SIN3B: variants seen among roughly 807,000 people sequenced by gnomAD.
The protein encoded by SIN3B is SIN3 transcription regulator family member B, also known as paired amphipathic helix protein Sin3b.
Under a neutral mutation model 120.2 loss-of-function variants are expected in SIN3B, and 19 were observed. The ratio of observed to expected loss-of-function variants is 0.16; its 90% CI spans 0.11 to 0.23. SIN3B has a LOEUF of 0.23. Ranked by LOEUF, SIN3B falls within the 10% of genes least tolerant of loss-of-function variation. SIN3B has a pLI of 1.00. For missense variants in SIN3B, 1,073 were observed against 1,573.0 expected (o/e 0.68, Z 5.38); for synonymous variants, 654 against 653.2 (o/e 1.00, Z -0.02).
At chr19:16,861,685 C>T (rs996475642) in intron 8 of SIN3B, among the ~76,000 whole-genome samples, 4 of 151,878 alleles carry the variant, frequency 2.6e-5, no homozygotes, top group Non-Finnish European at 5.9e-5. Context: ...ATTGCTTGAA[C>T]CCGGGAGGTG....
At chr19:16,850,451 TTTTG>T (rs1313883023) in intron 5 of SIN3B, among the ~76,000 whole-genome samples, 12 of 152,270 alleles carry the variant, frequency 7.9e-5, no homozygotes, top group Middle Eastern at 3.4e-3. Context: ...CCTTGTTTTT[TTTTG>T]TTTGTTTGTT....
At chr19:16,843,004 C>T (rs768960846) in intron 4 of SIN3B, among the ~76,000 whole-genome samples, 1 of 152,128 alleles carries the variant, frequency 6.6e-6, no homozygotes, top group Non-Finnish European at 1.5e-5. Flanking sequence ...GGGCTGGTGG[C>T]GAGGGACATC....
At chr19:16,851,582 A>G in intron 6 of SIN3B, 48 bp downstream of exon 6, 1 of 1,526,758 alleles carries the variant, frequency 6.5e-7, no homozygotes, top group African/African-American at 1.4e-5. Flanking sequence ...GGCCCCCAGC[A>G]AATCGGGCCT....
At chr19:16,865,675 TCCCCTTCCCCTTC>T (rs1295476288) in intron 11 of SIN3B, 27 bp downstream of exon 11, 1 of 1,410,788 alleles carries the variant, frequency 7.1e-7, no homozygotes, top group Admixed American at 1.9e-5. Flanking sequence ...CGACTTCCCT[TCCCCTTCCCCTTC>T]CCCCTTCCCT....
intron 3 of SIN3B, among the ~76,000 whole-genome samples, chr19:16,832,184 T>C (rs1181604441): frequency 1.4e-5 from 2 of 148,120 alleles, no homozygotes; most frequent in Admixed American, 1.4e-4. Context: ...TGATAGGTGC[T>C]GGCCCTCTTT....
chr19:16,851,059 G>T (rs754239238), intron 5 of SIN3B, among the ~76,000 whole-genome samples: 1 of 150,788 alleles, frequency 6.6e-6, no homozygotes, highest in Non-Finnish European at 1.5e-5. Flanking sequence ...CTGTGGTGCC[G>T]GCATGCACAC....
At chr19:16,835,228 C>CTTT (rs1183912183) in intron 3 of SIN3B, among the ~76,000 whole-genome samples, 2 of 125,802 alleles carry the variant, frequency 1.6e-5, no homozygotes, top group Non-Finnish European at 1.7e-5. Context: ...ACCTGGCCAT[C>CTTT]TTTTTTTTTT....
Position 16,831,497 on chromosome 19 carries a change from C to T in SIN3B, c.231C>T (p.Ile77=), listed in dbSNP as rs553072824. ...CCACTTCCGTTGTTTCTTCTAGCAT[C>T]GATACTCCTGGAGTCATCAGACGTG... The part of the protein sequence containing the change: ...EIMKEFKSQS[I]DTPGVIRRVS... Residue 77 remains isoleucine (I), a synonymous_variant, in exon 3 of 19, where the codon ATC becomes ATT. Transcript: ENST00000248054. The T allele has an allele frequency of 5.5e-5, 88 of 1,613,322 alleles. No homozygotes were observed. Among genetic ancestry groups the T allele is most frequent in the South Asian group, 5.1e-4 (46 of 90,916 alleles).
chr19:16,838,302 T>A (rs1280376539), intron 3 of SIN3B, among the ~76,000 whole-genome samples: 1 of 152,180 alleles, frequency 6.6e-6, no homozygotes, highest in Non-Finnish European at 1.5e-5. Flanking sequence ...TTCCAGAACA[T>A]TAACATCACC....
chr19:16,838,051 G>A (rs1483891180), intron 3 of SIN3B, among the ~76,000 whole-genome samples: 1 of 152,112 alleles, frequency 6.6e-6, no homozygotes, highest in Non-Finnish European at 1.5e-5. Context: ...GGGGAGAGAG[G>A]AGGTGCCGGA....
intron 4 of SIN3B, chr19:16,846,318 C>T (rs1039360249): frequency 4.6e-5 from 7 of 152,154 alleles, no homozygotes; most frequent in African/African-American, 1.2e-4. Context: ...GGGCAGGAGG[C>T]GCCAGCACAG....
chr19:16,877,861 C>G (rs748975589), intron 17 of SIN3B, among the ~76,000 whole-genome samples: 1 of 152,188 alleles, frequency 6.6e-6, no homozygotes, highest in African/African-American at 2.4e-5. Context: ...GCCAACCCCA[C>G]GATGCGTCAG....
At position 16,837,343 on chromosome 19, in the gene SIN3B, G is replaced by A. The variant is rs536219494; in HGVS notation, c.382-4425G>A. On this transcript the variant is annotated intron_variant, in intron 3 of 18. Transcript: ENST00000248054. ...GGGAGGGGCCCCAAGTGATGGAGGC[G>A]GGGTAGACAGTGATGGAAACAGAGT... Among the ~76,000 whole-genome samples, 13 of 152,222 alleles carry A rather than the reference G, an allele frequency of 8.5e-5. No individual in the cohort carries two copies. In the East Asian group the frequency reaches 2.3e-3, roughly 27 times the overall value.
intron 3 of SIN3B, among the ~76,000 whole-genome samples, chr19:16,834,279 A>G (rs893650695): frequency 6.6e-6 from 1 of 152,154 alleles, no homozygotes; most frequent in South Asian, 2.1e-4. Context: ...CGTTCCTGTC[A>G]CTCACTCAGA....
At chr19:16,854,917 T>C (rs1379454772) in intron 8 of SIN3B, 1 of 152,254 alleles carries the variant, frequency 6.6e-6, no homozygotes, top group Admixed American at 6.5e-5. Context: ...TTGGTCTCTC[T>C]TTAGAAATTT....
chr19:16,871,205 G>A, intron 13 of SIN3B, 24 bp from the exon 14 acceptor site: 1 of 1,613,948 alleles, frequency 6.2e-7, no homozygotes, highest in Middle Eastern at 1.7e-4. Flanking sequence ...GGAGGCATAT[G>A]GATGAGGCGG....
chr19:16,831,416 A>G, intron 2 of SIN3B, 78 bp from the exon 3 acceptor site: 1 of 1,440,814 alleles, frequency 6.9e-7, no homozygotes, highest in Non-Finnish European at 9.6e-7. Flanking sequence ...ATGTGGCAGT[A>G]TCAAGGGAGT....
At chr19:16,837,412 G>T (rs1217112683) in intron 3 of SIN3B, among the ~76,000 whole-genome samples, 4 of 151,922 alleles carry the variant, frequency 2.6e-5, no homozygotes, top group Non-Finnish European at 5.9e-5. Context: ...GATGGGAACA[G>T]AGAGGATGGT....
intron 3 of SIN3B, among the ~76,000 whole-genome samples, chr19:16,836,994 G>A (rs1045737633): frequency 2.0e-5 from 3 of 152,134 alleles, no homozygotes; most frequent in Admixed American, 2.0e-4. Context: ...CAGTCAAGGT[G>A]GGGGGTCCGA....
Sources: gnomAD v4.1 joint callset for allele counts (sites outside exome capture counted in the v4.1 genomes callset) on GRCh38, gnomAD v4.1.1 for gene constraint, MANE v1.5 for transcripts, NCBI Gene and HGNC (gene_info 2026-07-23, HGNC 2026-07-21) for gene names.